The following CDH12 variants were observed in gnomAD, a reference collection of about 807,000 sequenced individuals.
The protein encoded by CDH12 is cadherin 12.
CDH12 carries 41 observed loss-of-function variants against 74.1 expected under a neutral mutation model. That is an observed-to-expected ratio of 0.55 (90% CI 0.43 to 0.72). The LOEUF is 0.72. CDH12 is among the 30% of genes least tolerant of loss of function. CDH12 has a pLI of 0.00. For synonymous variants in CDH12, 399 were observed against 355.0 expected (o/e 1.12, Z -1.39); for missense variants, 945 against 977.2 (o/e 0.97, Z 0.44).
At chr5:22,476,595 G>A (rs1041420701) in intron 2 of CDH12, among the ~76,000 whole-genome samples, 4 of 151,840 alleles carry the variant, frequency 2.6e-5, no homozygotes, top group South Asian at 2.1e-4. Flanking sequence ...TAGTATTGTC[G>A]TAAATTATTA....
intron 3 of CDH12, among the ~76,000 whole-genome samples, chr5:22,398,920 C>T (rs1217897311): frequency 2.0e-5 from 3 of 151,942 alleles, no homozygotes; most frequent in Non-Finnish European, 2.9e-5. Flanking sequence ...CCTCTATGTG[C>T]AGGGTACGTT....
At chr5:21,898,193 T>C (rs972904758) in intron 6 of CDH12, among the ~76,000 whole-genome samples, 1 of 152,044 alleles carries the variant, frequency 6.6e-6, no homozygotes, top group Admixed American at 6.5e-5. Flanking sequence ...TAGTATACAT[T>C]AAATTTTTTT....
chr5:22,190,610 T>A (rs911267570), intron 4 of CDH12, among the ~76,000 whole-genome samples: 2 of 152,206 alleles, frequency 1.3e-5, no homozygotes, highest in African/African-American at 4.8e-5. Context: ...TTTCTTATGG[T>A]TTGGCTGTGA....
At chr5:22,491,193 T>G (rs1477271380) in intron 2 of CDH12, among the ~76,000 whole-genome samples, 1 of 152,176 alleles carries the variant, frequency 6.6e-6, no homozygotes, top group Non-Finnish European at 1.5e-5. Context: ...TTCCCATCTT[T>G]GTGCCCATGT....
chr5:21,808,511 G>A (rs983921834), intron 9 of CDH12, among the ~76,000 whole-genome samples: 2 of 151,954 alleles, frequency 1.3e-5, no homozygotes, highest in South Asian at 2.1e-4. Context: ...CAAATGATCC[G>A]AGGATGTAGG....
At chr5:22,267,997 A>T (rs1308989555) in intron 3 of CDH12, among the ~76,000 whole-genome samples, 2 of 152,162 alleles carry the variant, frequency 1.3e-5, no homozygotes, top group Non-Finnish European at 2.9e-5. Flanking sequence ...CTTACATAAG[A>T]TCAATTCAGC....
intron 3 of CDH12, among the ~76,000 whole-genome samples, chr5:22,237,444 T>C (rs1475567211): frequency 2.0e-5 from 3 of 151,878 alleles, no homozygotes; most frequent in Non-Finnish European, 4.4e-5. Context: ...CTTTGGGAGG[T>C]AATTAAATCA....
intron 1 of CDH12, among the ~76,000 whole-genome samples, chr5:22,651,953 T>C (rs1485123778): frequency 6.6e-6 from 1 of 152,068 alleles, no homozygotes; most frequent in African/African-American, 2.4e-5. Context: ...AGCATTAGAA[T>C]TGTAAAAATA....
chr5:22,676,406 AT>A (rs1279346542), intron 1 of CDH12, among the ~76,000 whole-genome samples: 1 of 152,070 alleles, frequency 6.6e-6, no homozygotes, highest in Non-Finnish European at 1.5e-5. Flanking sequence ...GGACTTTTTG[AT>A]TGCCTTTTAT....
intron 4 of CDH12, among the ~76,000 whole-genome samples, chr5:22,196,315 T>C (rs1750616779): frequency 6.6e-6 from 1 of 151,906 alleles, no homozygotes; most frequent in Non-Finnish European, 1.5e-5. Context: ...CAGCTAATGT[T>C]TGTATATTTA....
At chr5:22,454,783 T>C (rs1745198740) in intron 2 of CDH12, among the ~76,000 whole-genome samples, 1 of 152,158 alleles carries the variant, frequency 6.6e-6, no homozygotes, top group African/African-American at 2.4e-5. Flanking sequence ...CCTCTCTTCT[T>C]TTCCTATTAA....
chr5:22,646,600 C>T (rs568563718), intron 1 of CDH12, among the ~76,000 whole-genome samples: 1 of 151,768 alleles, frequency 6.6e-6, no homozygotes, highest in African/African-American at 2.4e-5. Context: ...TCTTTAGATT[C>T]CCAACACAGT....
At chr5:22,400,225 G>A (rs190923707) in intron 3 of CDH12, among the ~76,000 whole-genome samples, 86 of 152,044 alleles carry the variant, frequency 5.7e-4, no homozygotes, top group African/African-American at 2.0e-3. Context: ...GTCATTGGAT[G>A]TTGTTTTTTT....
At chr5:22,262,758 C>T (rs1035221859) in intron 3 of CDH12, among the ~76,000 whole-genome samples, 1 of 151,962 alleles carries the variant, frequency 6.6e-6, no homozygotes, top group African/African-American at 2.4e-5. Flanking sequence ...CCTGTTTCTC[C>T]ACGTCCTCTC....
At chr5:22,059,245 T>G (rs1740983915) in intron 5 of CDH12, among the ~76,000 whole-genome samples, 1 of 144,110 alleles carries the variant, frequency 6.9e-6, no homozygotes. Context: ...AGTTCAGTTT[T>G]CCTTGTACTC....
At chr5:21,877,642 T>C (rs1752010484) in intron 6 of CDH12, among the ~76,000 whole-genome samples, 3 of 152,366 alleles carry the variant, frequency 2.0e-5, no homozygotes, top group South Asian at 4.1e-4. Context: ...TCAATAGTTA[T>C]GGCAGTGATG....
intron 1 of CDH12, among the ~76,000 whole-genome samples, chr5:22,773,326 A>G (rs544168576): frequency 6.6e-6 from 1 of 152,252 alleles, no homozygotes. Flanking sequence ...ATGGAACAGA[A>G]TAGACTGCCC....
At chr5:22,740,699 C>T (rs1036515718) in intron 1 of CDH12, among the ~76,000 whole-genome samples, 2 of 151,912 alleles carry the variant, frequency 1.3e-5, no homozygotes, top group African/African-American at 4.8e-5. Flanking sequence ...GTTATTGATT[C>T]CTTCCATAGA....
At chr5:21,761,231 C>T (rs1234330462) in intron 12 of CDH12, among the ~76,000 whole-genome samples, 1 of 152,136 alleles carries the variant, frequency 6.6e-6, no homozygotes, top group Non-Finnish European at 1.5e-5. Context: ...TTAATAAGCA[C>T]TATCATTCCT....
Sources: allele counts gnomAD v4.1 joint callset (sites outside exome capture counted in the v4.1 genomes callset), GRCh38; gene constraint gnomAD v4.1.1; transcripts MANE v1.5; gene names NCBI Gene and HGNC (gene_info 2026-07-23, HGNC 2026-07-21).